Variants in CNTN5 observed in about 807,000 individuals in gnomAD.
The protein encoded by CNTN5 is contactin-5.
Under a neutral mutation model 129.1 loss-of-function variants are expected in CNTN5, and 77 were observed. That is an observed-to-expected ratio of 0.60 (90% CI 0.50 to 0.72). CNTN5 has a LOEUF of 0.72. Ranked by LOEUF, CNTN5 falls within the 30% of genes least tolerant of loss-of-function variation. The pLI is 0.00. For missense variants in CNTN5, 1,478 were observed against 1,328.8 expected (o/e 1.11, Z -1.75); for synonymous variants, 509 against 465.6 (o/e 1.09, Z -1.20).
chr11:99,991,893 G>T (rs2407309), intron 8 of CNTN5, among the ~76,000 whole-genome samples: 57,619 of 151,926 alleles, frequency 0.38, 12,375 homozygotes, highest in African/African-American at 0.59. Context: ...ACTGGCCAAG[G>T]TTGGGTCAGG....
intron 13 of CNTN5, among the ~76,000 whole-genome samples, chr11:100,080,025 T>C (rs937962324): frequency 5.3e-5 from 8 of 152,182 alleles, no homozygotes; most frequent in African/African-American, 1.9e-4. Context: ...TTAGCTAAAA[T>C]GAAGAATACA....
chr11:99,451,913 G>A (rs1288694694), intron 2 of CNTN5, among the ~76,000 whole-genome samples: 1 of 152,050 alleles, frequency 6.6e-6, no homozygotes, highest in African/African-American at 2.4e-5. Context: ...TTCAATAAAT[G>A]GTGCCCTAAT....
chr11:99,339,698 C>CG (rs1565503339), intron 2 of CNTN5, among the ~76,000 whole-genome samples: 1 of 151,816 alleles, frequency 6.6e-6, no homozygotes. Context: ...AGGAGAATGG[C>CG]GTGAACCCAG....
intron 3 of CNTN5, among the ~76,000 whole-genome samples, chr11:99,631,425 C>T (rs567124583): frequency 2.2e-4 from 34 of 151,518 alleles, no homozygotes; most frequent in African/African-American, 6.8e-4. Flanking sequence ...TAGTAAAGAA[C>T]GAAATCAATA....
chr11:99,304,499 G>A (rs1282711912), intron 1 of CNTN5, among the ~76,000 whole-genome samples: 1 of 152,112 alleles, frequency 6.6e-6, no homozygotes, highest in Non-Finnish European at 1.5e-5. Context: ...TTGCAAAAAT[G>A]TTCTCCCTCC....
chr11:99,805,273 C>G (rs1443873048), intron 3 of CNTN5, among the ~76,000 whole-genome samples: 1 of 152,056 alleles, frequency 6.6e-6, no homozygotes, highest in African/African-American at 2.4e-5. Flanking sequence ...GAAGATAGAA[C>G]TTGGAACTTC....
At chr11:99,130,322 T>C (rs1463209459) in intron 1 of CNTN5, among the ~76,000 whole-genome samples, 1 of 152,098 alleles carries the variant, frequency 6.6e-6, no homozygotes, top group African/African-American at 2.4e-5. Flanking sequence ...TCCTAGTTTC[T>C]GACAAAATAG....
chr11:100,170,952 A>G (rs1362379648), intron 13 of CNTN5, among the ~76,000 whole-genome samples: 1 of 151,952 alleles, frequency 6.6e-6, no homozygotes, highest in African/African-American at 2.4e-5. Context: ...AATCTTGCCC[A>G]CACTCTTCTT....
intron 1 of CNTN5, among the ~76,000 whole-genome samples, chr11:99,258,956 T>C (rs1215185918): frequency 6.6e-6 from 1 of 151,856 alleles, no homozygotes; most frequent in Admixed American, 6.6e-5. Flanking sequence ...AAAGTTTCTA[T>C]CTTTAGGAAT....
chr11:100,306,594 T>A (rs1370092229), intron 20 of CNTN5, among the ~76,000 whole-genome samples: 1 of 151,682 alleles, frequency 6.6e-6, no homozygotes, highest in Admixed American at 6.6e-5. Flanking sequence ...ATAAACTGTA[T>A]CCTAAATCCC....
chr11:99,966,475 A>T (rs1365242165), intron 8 of CNTN5, among the ~76,000 whole-genome samples: 1 of 152,152 alleles, frequency 6.6e-6, no homozygotes, highest in East Asian at 1.9e-4. Flanking sequence ...GAGCCTTACA[A>T]AATGCACTCA....
At chr11:99,139,861 C>T (rs1859428250) in intron 1 of CNTN5, among the ~76,000 whole-genome samples, 1 of 151,990 alleles carries the variant, frequency 6.6e-6, no homozygotes. Context: ...AAATATGCAT[C>T]CTTCTATTAA....
chr11:99,030,791 T>G (rs1863335608), intron 1 of CNTN5, among the ~76,000 whole-genome samples: 1 of 148,596 alleles, frequency 6.7e-6, no homozygotes, highest in African/African-American at 2.5e-5. Context: ...TTTTTTTTTT[T>G]TTTTTTTGAG....
intron 3 of CNTN5, among the ~76,000 whole-genome samples, chr11:99,758,730 AAGAAC>A (rs1944483058): frequency 6.6e-6 from 1 of 152,074 alleles, no homozygotes; most frequent in African/African-American, 2.4e-5. Context: ...ATATTGGGGA[AAGAAC>A]AGAAGACAGG....
rs558646384 is a variant in CNTN5, at chr11:99,763,957, T to G, written c.56-55587T>G. Among the ~76,000 whole-genome samples the G allele has an allele frequency of 5.3e-5, 8 of 152,204 alleles. No individual in the cohort carries two copies. The South Asian group carries it at 1.0e-3, about 20-fold the overall frequency. Reference sequence around the variant, plus strand: ...TCCTAAAAAGAGCTTGTTCACATATTTTTAAAATGAATTATTGTGGATTTC... The same window carrying G: ...TCCTAAAAAGAGCTTGTTCACATATGTTTAAAATGAATTATTGTGGATTTC... On this transcript the variant is annotated intron_variant, in intron 3 of 24. Coordinates refer to ENST00000524871, the MANE Select transcript of CNTN5 (RefSeq NM_014361.4).
chr11:99,041,225 T>C (rs1330123902), intron 1 of CNTN5, among the ~76,000 whole-genome samples: 1 of 152,160 alleles, frequency 6.6e-6, no homozygotes, highest in Non-Finnish European at 1.5e-5. Context: ...GCAAACACTT[T>C]CTTTCCACAT....
At chr11:99,229,250 T>A (rs564009093) in intron 1 of CNTN5, among the ~76,000 whole-genome samples, 2 of 152,122 alleles carry the variant, frequency 1.3e-5, no homozygotes, top group South Asian at 4.1e-4. Context: ...AGTGCTAAAT[T>A]CTAAATAAAA....
intron 13 of CNTN5, among the ~76,000 whole-genome samples, chr11:100,190,729 GT>G (rs5794041): frequency 0.1 from 10,547 of 103,006 alleles, 508 homozygotes; most frequent in East Asian, 0.39. Context: ...TTTTTATGCT[GT>G]TTTTTTTTTT....
chr11:99,027,704 A>G (rs1211274271), intron 1 of CNTN5, among the ~76,000 whole-genome samples: 2 of 151,816 alleles, frequency 1.3e-5, no homozygotes, highest in East Asian at 1.9e-4. Context: ...CCATAGTGCA[A>G]TTGAGTGGAA....
Sources: allele counts gnomAD v4.1 joint callset (sites outside exome capture counted in the v4.1 genomes callset), GRCh38; gene constraint gnomAD v4.1.1; transcripts MANE v1.5; gene names NCBI Gene and HGNC (gene_info 2026-07-23, HGNC 2026-07-21).